Variants in GREP1 observed in about 807,000 individuals in gnomAD.
GREP1 encodes the protein glycine-rich extracellular protein 1.
intron 22 of GREP1, among the ~76,000 whole-genome samples, chr16:2,997,574 G>T (rs992547054): frequency 6.6e-6 from 1 of 152,088 alleles, no homozygotes; most frequent in South Asian, 2.1e-4. Context: ...GGAGGGAGGT[G>T]CTGGGAGCTC....
intron 21 of GREP1, 155 bp downstream of exon 20, chr16:2,997,240 C>A (rs2072430039): frequency 2.5e-6 from 1 of 398,806 alleles, no homozygotes; most frequent in African/African-American, 2.1e-5. Context: ...CCTCCCAGGC[C>A]TCCAGAGCAG....
chr16:2,988,400 G>A (rs1034368930), intron 1 of GREP1, 60 bp downstream of exon 1: 8 of 399,102 alleles, frequency 2.0e-5, no homozygotes, highest in African/African-American at 1.2e-4. Context: ...TGGGGCTGGG[G>A]GTCCAAGTGG....
chr16:2,997,633 G>A (rs908664578), intron 22 of GREP1, among the ~76,000 whole-genome samples, 170 bp from the exon 21 acceptor site: 1 of 152,010 alleles, frequency 6.6e-6, no homozygotes, highest in African/African-American at 2.4e-5. Flanking sequence ...GCCCCCTTCT[G>A]TACCCCAACC....
At chr16:2,995,179 G>T (rs954976561) in intron 13 of GREP1, 105 bp from the exon 15 acceptor site, 6 of 319,862 alleles carry the variant, frequency 1.9e-5, no homozygotes, top group Non-Finnish European at 3.0e-5. Context: ...CCCTGGAGCA[G>T]GTCCTGAGGG....
At chr16:2,995,143 C>G (rs1298301618) in intron 13 of GREP1, 141 bp from the exon 15 acceptor site, 1 of 397,792 alleles carries the variant, frequency 2.5e-6, no homozygotes, top group African/African-American at 2.1e-5. Flanking sequence ...CCCTCCCACC[C>G]CGACAAGCCC....
Position 2,991,722 on chromosome 16 carries a change from G to A in GREP1, c.322+621G>A, listed in dbSNP as rs527923615. 6.6e-6 allele frequency: 1 copy of A among 152,644 alleles called. No individual in the cohort carries two copies. The highest frequency in any genetic ancestry group is 2.1e-4 in the South Asian group (1 of 4,840). 9.5% of individuals were successfully genotyped at this position (152,644 alleles called of 1,614,324 possible). On this transcript the variant is annotated intron_variant, in intron 8 of 34. Coordinates refer to ENST00000573315, the Ensembl canonical transcript of GREP1. This position sits in a 1 kb window ranked among gnomAD's most constrained non-coding sequence, Gnocchi z 4.9. Reference sequence around the variant, plus strand: ...GTGGCCTGCCAATGCCATTCCTGTGGGTGGGGACTCCTGTGGAGGCCTCTG... The same window carrying A: ...GTGGCCTGCCAATGCCATTCCTGTGAGTGGGGACTCCTGTGGAGGCCTCTG...
intron 33 of GREP1, 145 bp from the exon 28 acceptor site, chr16:3,001,136 C>T (rs1254795401): frequency 2.8e-5 from 11 of 397,554 alleles, no homozygotes; most frequent in Admixed American, 1.3e-4. Context: ...CTGTCCCTCT[C>T]CCCCCGGTCC....
chr16:2,992,912 C>T lies in GREP1; in HGVS notation c.353-19C>T, dbSNP rs2072406187. ...AGGCCCAGAGGAAAGGATCCCTCAC[C>T]CTCTCATCTTCCCCCCAGGCTTTGG... On this transcript the variant is annotated intron_variant, in intron 9 of 34. Transcript: ENST00000573315. This position sits in a 1 kb window ranked among gnomAD's most constrained non-coding sequence, Gnocchi z 4.9. 1 of 399,102 alleles carries T rather than the reference C, an allele frequency of 2.5e-6. No homozygotes were observed. Among genetic ancestry groups the T allele is most frequent in the East Asian group, 3.6e-5 (1 of 28,078 alleles). 24.7% of individuals were successfully genotyped at this position (399,102 alleles called of 1,614,324 possible).
Position 2,992,062 on chromosome 16 carries a change from T to C in GREP1, c.323-743T>C, listed in dbSNP as rs533793110. On this transcript the variant is annotated intron_variant, in intron 8 of 34. Transcript: ENST00000573315. This position sits in a 1 kb window ranked among gnomAD's most constrained non-coding sequence, Gnocchi z 4.9. Reference sequence around the variant, plus strand: ...GTGTCCCTGTCCTCCACTCCCCACATACACACATCCGGCCCTGCCTCTGCT... The same window carrying C: ...GTGTCCCTGTCCTCCACTCCCCACACACACACATCCGGCCCTGCCTCTGCT... 2 of 152,800 alleles carry C rather than the reference T, an allele frequency of 1.3e-5. No individual in the cohort carries two copies. The highest frequency in any genetic ancestry group is 6.5e-5 in the Admixed American group (1 of 15,300). 9.5% of individuals were successfully genotyped at this position (152,800 alleles called of 1,614,324 possible).
chr16:2,999,516 G>GCT (rs1277550203), intron 27 of GREP1, among the ~76,000 whole-genome samples: 1 of 124,958 alleles, frequency 8.0e-6, no homozygotes. Context: ...AGACAGTCTC[G>GCT]CTCTGTCGCC....
exon 33 of GREP1, chr16:3,000,737 T>A (rs1201085686): frequency 2.5e-6 from 1 of 398,882 alleles, no homozygotes; most frequent in Non-Finnish European, 4.4e-6. Flanking sequence ...GCTGTGGAAC[T>A]CTCGCTGGCC....
intron 22 of GREP1, chr16:2,997,561 G>A: frequency 2.5e-6 from 1 of 397,970 alleles, no homozygotes; most frequent in East Asian, 3.6e-5. Context: ...GGCGGCACAA[G>A]GGGGAGGGAG....
At chr16:3,001,841 A>T (rs2072463834) in exon 35 of GREP1, 2 of 390,322 alleles carry the variant, frequency 5.1e-6, no homozygotes, top group Non-Finnish European at 9.0e-6. Context: ...CAACAGGAGA[A>T]ATCATGAGAA....
rs184859481 is a variant in GREP1 at position 2,992,448 on chromosome 16, G to A, written c.323-357G>A. The A allele has an allele frequency of 2.7e-5, 5 of 182,592 alleles. No homozygotes were observed. In the Admixed American group the frequency reaches 3.1e-4, roughly 11 times the overall value. 11.3% of individuals were successfully genotyped at this position (182,592 alleles called of 1,614,324 possible). A position where few individuals can be genotyped will look rare whatever the true frequency, so the allele number is the denominator to read the frequency against. ...CCGGGAACCCAGCCAGGTCGGGGCC[G>A]AAGGGGCTGGGGTGGCTGGGGGAGA... On this transcript the variant is annotated intron_variant, in intron 8 of 34. Transcript: ENST00000573315. The surrounding 1 kb of genome is among the most constrained non-coding windows in gnomAD (Gnocchi z 4.9).
intron 5 of GREP1, 138 bp from the exon 6 acceptor site, chr16:2,990,414 G>C (rs1455580579): frequency 1.0e-5 from 4 of 398,908 alleles, no homozygotes; most frequent in African/African-American, 8.2e-5. Flanking sequence ...CCTGGGATGG[G>C]GATTCCTGAG....
In GREP1 at chr16:3,001,789, T is replaced by G. The variant is rs77225180; in HGVS notation, c.*203T>G. On this transcript the variant is annotated 3_prime_UTR_variant, in exon 35 of 35. Transcript: ENST00000573315. The stretch of plus-strand genomic sequence containing the variant: ...ACCACCCAGCACCTCATTCATTCAT[T>G]TGGCAAACATCAATGAGGCCATGTG... 4.9e-3 allele frequency: 1,945 copies of G among 396,556 alleles called. 37 individuals carry two copies. Among genetic ancestry groups the G allele is most frequent in the African/African-American group, 0.037 (1,804 of 48,732 alleles). The allele number at this position is 396,556 out of a possible 1,614,324, so 24.6% of individuals were successfully genotyped here. A position where few individuals can be genotyped will look rare whatever the true frequency, so the allele number is the denominator to read the frequency against.
chr16:3,001,155 A>G lies in GREP1; in HGVS notation c.1532-126A>G, dbSNP rs764384795. On this transcript the variant is annotated intron_variant, in intron 33 of 34. Coordinates refer to ENST00000573315, the Ensembl canonical transcript of GREP1. ...CCCTCTCCCCCCGGTCCTCTGAGAA[A>G]CTGAGGCAGAGCTGAGCCCTGGGCC... is the stretch of plus-strand genomic sequence containing the variant. 174 of 398,146 alleles carry G rather than the reference A, an allele frequency of 4.4e-4. 1 individual carries two copies. In the Middle Eastern group the frequency reaches 5.0e-3, roughly 12 times the overall value. 24.7% of individuals were successfully genotyped at this position (398,146 alleles called of 1,614,324 possible).
intron 23 of GREP1, among the ~76,000 whole-genome samples, 161 bp downstream of exon 21, chr16:2,997,996 G>A (rs1247935006): frequency 6.6e-6 from 1 of 151,526 alleles, no homozygotes; most frequent in African/African-American, 2.4e-5. Flanking sequence ...GGAGGTGGGT[G>A]GGACCTGGAG....
At position 2,989,788 on chromosome 16, in the gene GREP1, A is replaced by AGGAAGGAGAGAG. The variant is rs1464838599; in HGVS notation, c.131-177_131-166dup. On this transcript the variant is annotated intron_variant, in intron 3 of 34. Coordinates refer to ENST00000573315, the Ensembl canonical transcript of GREP1. This position sits in a 1 kb window ranked among gnomAD's most constrained non-coding sequence, Gnocchi z 4.2. ...AGGGAAGAAAGGAAAGAGAGCAGAA[A>AGGAAGGAGAGAG]GGAAGGAGAGAGGGAAGGAGGGAGG... is the stretch of plus-strand genomic sequence containing the variant. Among the ~76,000 whole-genome samples the AGGAAGGAGAGAG allele has an allele frequency of 6.6e-6, 1 of 151,950 alleles. No homozygotes were observed. Among genetic ancestry groups the AGGAAGGAGAGAG allele is most frequent in the Non-Finnish European group, 1.5e-5 (1 of 67,940 alleles).
Sources: gnomAD v4.1 joint callset for allele counts (sites outside exome capture counted in the v4.1 genomes callset) on GRCh38, gnomAD v4.1.1 for gene constraint, Gnocchi (gnomAD v3.1) non-coding constraint, MANE v1.5 for transcripts, NCBI Gene and HGNC (gene_info 2026-07-23, HGNC 2026-07-21) for gene names.